Variants in EYS observed in about 807,000 individuals in gnomAD.
EYS encodes the protein EGF-like photoreceptor maintenance factor.
Under a neutral mutation model 282.1 loss-of-function variants are expected in EYS, and 250 were observed. The ratio of observed to expected loss-of-function variants is 0.89; its 90% CI spans 0.80 to 0.98. The LOEUF (loss-of-function observed/expected upper bound fraction) is 0.98, where lower values mean the gene tolerates loss of function less well. Ranked by LOEUF, EYS falls within the 50% of genes least tolerant of loss-of-function variation. The pLI is 0.00. For missense variants in EYS, 4,016 were observed against 3,709.0 expected (o/e 1.08, Z -2.15); for synonymous variants, 1,355 against 1,282.9 (o/e 1.06, Z -1.20).
chr6:63,977,469 A>C (rs1766893338), intron 35 of EYS, among the ~76,000 whole-genome samples: 1 of 152,024 alleles, frequency 6.6e-6, no homozygotes, highest in Non-Finnish European at 1.5e-5. Context: ...AATTGTGAGA[A>C]ATTATTGCAA....
At chr6:64,721,575 CA>C (rs1005105698) in intron 22 of EYS, among the ~76,000 whole-genome samples, 1 of 152,020 alleles carries the variant, frequency 6.6e-6, no homozygotes, top group Admixed American at 6.6e-5. Flanking sequence ...CCCCTTTCTT[CA>C]AAAAACTTAT....
At chr6:65,276,820 T>C (rs1768060380) in intron 12 of EYS, among the ~76,000 whole-genome samples, 1 of 152,134 alleles carries the variant, frequency 6.6e-6, no homozygotes, top group Admixed American at 6.6e-5. Context: ...GCTGTGACCA[T>C]GTGACTAGTT....
At chr6:65,174,589 T>C in intron 12 of EYS, among the ~76,000 whole-genome samples, 1 of 151,314 alleles carries the variant, frequency 6.6e-6, no homozygotes. Context: ...AAGAACAAAA[T>C]GTCTTAAAAG....
At chr6:64,642,284 T>G (rs1283994578) in intron 22 of EYS, among the ~76,000 whole-genome samples, 2 of 152,214 alleles carry the variant, frequency 1.3e-5, no homozygotes, top group Non-Finnish European at 2.9e-5. Context: ...ATCTTTATAT[T>G]TAACATTCAT....
intron 15 of EYS, among the ~76,000 whole-genome samples, chr6:64,942,255 C>T (rs751833867): frequency 2.7e-5 from 4 of 145,582 alleles, no homozygotes; most frequent in African/African-American, 5.1e-5. Flanking sequence ...TTGTTAAATG[C>T]GTATCTCAAA....
chr6:64,872,580 G>T (rs1766627653), intron 19 of EYS, among the ~76,000 whole-genome samples: 1 of 151,992 alleles, frequency 6.6e-6, no homozygotes, highest in African/African-American at 2.4e-5. Context: ...TCTGCTTCCA[G>T]GGAGTGGTAG....
chr6:64,868,588 G>A (rs970579296), intron 19 of EYS, among the ~76,000 whole-genome samples: 29 of 151,430 alleles, frequency 1.9e-4, no homozygotes. Flanking sequence ...TTTTGTATTG[G>A]TTACTTGATA....
chr6:64,447,823 A>G (rs548259888), intron 26 of EYS, among the ~76,000 whole-genome samples: 3 of 152,382 alleles, frequency 2.0e-5, no homozygotes, highest in Admixed American at 6.5e-5. Context: ...ACTGAAAGCA[A>G]TCAATGATCT....
chr6:64,841,743 T>A (rs543670524), intron 19 of EYS, among the ~76,000 whole-genome samples: 3 of 152,220 alleles, frequency 2.0e-5, no homozygotes, highest in South Asian at 2.1e-4. Context: ...TAGTTTAATA[T>A]CAGCTATAGT....
intron 31 of EYS, among the ~76,000 whole-genome samples, chr6:64,122,681 A>G (rs1773629745): frequency 6.6e-6 from 1 of 152,178 alleles, no homozygotes; most frequent in African/African-American, 2.4e-5. Context: ...ATGAAATAAT[A>G]TTTTAAAGAA....
chr6:65,495,585 G>T lies in EYS; in HGVS notation c.-175C>A. The T allele has an allele frequency of 3.2e-6, 2 of 632,812 alleles. No homozygotes were observed. Among genetic ancestry groups the T allele is most frequent in the Non-Finnish European group, 5.5e-6 (2 of 363,270 alleles). The allele number at this position is 632,812 out of a possible 1,614,324, so 39.2% of individuals were successfully genotyped here. A position where few individuals can be genotyped will look rare whatever the true frequency, so the allele number is the denominator to read the frequency against. On this transcript the variant is annotated 5_prime_UTR_variant, in exon 4 of 43. Coordinates refer to ENST00000503581, the MANE Select transcript of EYS (RefSeq NM_001142800.2). ...ACAATGTGCTTTGATGGAGAAACAG[G>T]AATTCAAATGTTGTAAATATTCCTT...
intron 37 of EYS, among the ~76,000 whole-genome samples, chr6:63,802,397 T>C (rs1770802340): frequency 6.6e-6 from 1 of 151,906 alleles, no homozygotes; most frequent in African/African-American, 2.4e-5. Flanking sequence ...CAAACTACCA[T>C]GGCACATGTA....
At chr6:65,452,474 T>C (rs1331549136) in intron 5 of EYS, among the ~76,000 whole-genome samples, 1 of 152,022 alleles carries the variant, frequency 6.6e-6, no homozygotes, top group Non-Finnish European at 1.5e-5. Flanking sequence ...AATTAAATTA[T>C]AGCTTGCAAT....
At chr6:65,405,135 A>T (rs1473396225) in intron 6 of EYS, 39 bp downstream of exon 6, 2 of 1,502,724 alleles carry the variant, frequency 1.3e-6, no homozygotes, top group Non-Finnish European at 1.8e-6. Context: ...AGTAAAAAAA[A>T]TTTAAAACCA....
intron 5 of EYS, among the ~76,000 whole-genome samples, chr6:65,420,110 G>A (rs1767398326): frequency 6.6e-6 from 1 of 151,892 alleles, no homozygotes. Context: ...GAGAAGCTGT[G>A]ATAATTTCTT....
chr6:64,130,409 TCATAGGTGAGAATTGAACAATGAGAA>T (rs1262996665), intron 31 of EYS, among the ~76,000 whole-genome samples: 2 of 152,060 alleles, frequency 1.3e-5, no homozygotes, highest in Non-Finnish European at 2.9e-5. Context: ...ATGTTCTCAC[TCATAGGTGAGAATTGAACAATGAGAA>T]CACATGGACA....
At chr6:64,093,427 C>A (rs1772449032) in intron 31 of EYS, among the ~76,000 whole-genome samples, 1 of 152,134 alleles carries the variant, frequency 6.6e-6, no homozygotes, top group Admixed American at 6.5e-5. Flanking sequence ...TCTTTTATTT[C>A]ATTGAGCAGT....
chr6:65,501,949 G>A (rs1005975642), intron 2 of EYS, among the ~76,000 whole-genome samples: 2 of 151,630 alleles, frequency 1.3e-5, no homozygotes, highest in Non-Finnish European at 3.0e-5. Flanking sequence ...TATAAAATAA[G>A]ATTTTAAATA....
chr6:64,916,171 G>T (rs557343436), intron 15 of EYS, among the ~76,000 whole-genome samples: 41 of 152,222 alleles, frequency 2.7e-4, no homozygotes, highest in African/African-American at 9.4e-4. Flanking sequence ...GGTCCTGAGG[G>T]TATTGCACAA....
Sources: gnomAD v4.1 joint callset for allele counts (sites outside exome capture counted in the v4.1 genomes callset) on GRCh38, gnomAD v4.1.1 for gene constraint, MANE v1.5 for transcripts, NCBI Gene and HGNC (gene_info 2026-07-23, HGNC 2026-07-21) for gene names.